Variants in RBM6 observed in about 807,000 individuals in gnomAD.
RBM6 encodes RNA binding motif protein 6, also known as RNA-binding protein 6.
A neutral mutation model predicts 140.4 loss-of-function variants in RBM6; 23 were observed. That is an observed-to-expected ratio of 0.16 (90% CI 0.12 to 0.23). RBM6 has a LOEUF of 0.23. Among genes scored for constraint, RBM6 ranks in the 10% least tolerant of loss-of-function variants. The pLI, the probability that RBM6 is intolerant of heterozygous loss-of-function variation, is 1.00. For synonymous variants in RBM6, 439 were observed against 475.6 expected, an observed-to-expected ratio of 0.92 and a Z score of 1.00; for missense variants, 1,139 against 1,386.7, an observed-to-expected ratio of 0.82 and a Z score of 2.84.
At chr3:49,962,471 A>G in intron 1 of RBM6, 105 bp from the exon 2 acceptor site, 1 of 615,814 alleles carries the variant, frequency 1.6e-6, no homozygotes, top group Non-Finnish European at 2.8e-6. Context: ...AGACCTTCAA[A>G]ATTATTGCTG....
intron 1 of RBM6, among the ~76,000 whole-genome samples, chr3:49,957,077 G>C (rs1214446021): frequency 2.0e-5 from 3 of 152,254 alleles, no homozygotes. Flanking sequence ...TGGATTCCTG[G>C]ACTCAAGCAA....
chr3:50,024,907 C>T (rs1193801404), intron 6 of RBM6, among the ~76,000 whole-genome samples: 7 of 151,616 alleles, frequency 4.6e-5, no homozygotes, highest in Non-Finnish European at 7.4e-5. Context: ...AGGAGAGTGG[C>T]GTGAACTTGG....
chr3:49,968,844 G>C, intron 3 of RBM6, 96 bp downstream of exon 3: 1 of 1,356,922 alleles, frequency 7.4e-7, no homozygotes, highest in African/African-American at 1.6e-5. Flanking sequence ...GCAGTGGTGC[G>C]ATCTCTGCTC....
chr3:50,023,655 ATTTTT>A (rs35083306), intron 6 of RBM6, among the ~76,000 whole-genome samples: 13 of 115,106 alleles, frequency 1.1e-4, no homozygotes, highest in Non-Finnish European at 1.7e-4. Context: ...ATGTTTGGTG[ATTTTT>A]TTTTTTTTTT....
chr3:49,992,763 T>G (rs1465136352), intron 5 of RBM6, among the ~76,000 whole-genome samples: 1 of 152,194 alleles, frequency 6.6e-6, no homozygotes, highest in Admixed American at 6.5e-5. Context: ...AAGATCACAG[T>G]CCCTCATCTG....
intron 1 of RBM6, among the ~76,000 whole-genome samples, chr3:49,947,241 GA>G (rs2083529250): frequency 8.1e-6 from 1 of 123,044 alleles, no homozygotes; most frequent in Non-Finnish European, 1.6e-5. Context: ...GACAGAGCGA[GA>G]CTCCGTCTCA....
intron 6 of RBM6, among the ~76,000 whole-genome samples, chr3:50,022,522 G>A (rs921880354): frequency 6.6e-6 from 1 of 151,964 alleles, no homozygotes; most frequent in African/African-American, 2.4e-5. Context: ...TAGAGACAGG[G>A]TTTCTCCATG....
chr3:50,068,872 G>T lies in RBM6; in HGVS notation c.3018+108G>T. On this transcript the variant is annotated intron_variant, in intron 18 of 20. Coordinates refer to ENST00000266022, the MANE Select transcript of RBM6 (RefSeq NM_005777.3). The stretch of plus-strand genomic sequence containing the variant: ...CCTTATAAGAAGATGGAGAACAAAA[G>T]CAGCCTCAAAAGATAGTGCATACAT... 1.4e-5 allele frequency: 14 copies of T among 986,810 alleles called. No individual in the cohort carries two copies. In the South Asian group the frequency reaches 2.2e-4, roughly 16 times the overall value. 61.1% of individuals were successfully genotyped at this position (986,810 alleles called of 1,614,324 possible). A position where few individuals can be genotyped will look rare whatever the true frequency, so the allele number is the denominator to read the frequency against.
At chr3:49,945,739 G>A (rs1351674912) in intron 1 of RBM6, among the ~76,000 whole-genome samples, 1 of 151,718 alleles carries the variant, frequency 6.6e-6, no homozygotes, top group Admixed American at 6.6e-5. Context: ...AACATTAACC[G>A]GGCGTGGCGG....
intron 13 of RBM6, 60 bp from the exon 14 acceptor site, chr3:50,061,402 T>A: frequency 1.9e-6 from 3 of 1,582,756 alleles, no homozygotes; most frequent in Non-Finnish European, 2.6e-6. Flanking sequence ...TCTTGATGAG[T>A]CTCCAGTAAG....
chr3:49,962,826 G>A (rs537867655), intron 2 of RBM6, 141 bp downstream of exon 2: 228 of 787,216 alleles, frequency 2.9e-4, no homozygotes, highest in Non-Finnish European at 3.8e-4. Flanking sequence ...GGCTGGGCGC[G>A]GTGGCTCACG....
intron 1 of RBM6, among the ~76,000 whole-genome samples, chr3:49,959,795 C>A (rs2084200702): frequency 6.6e-6 from 1 of 151,644 alleles, no homozygotes; most frequent in Admixed American, 6.6e-5. Flanking sequence ...TGGTCTCGAA[C>A]TCCTGACCTC....
chr3:49,940,790 T>C (rs1440414608), intron 1 of RBM6: 6 of 152,328 alleles, frequency 3.9e-5, no homozygotes, highest in Non-Finnish European at 5.9e-5. Flanking sequence ...AAGGATGTTT[T>C]ATCGTATTCA....
chr3:50,074,961 AAC>A (rs1316772524), intron 19 of RBM6, among the ~76,000 whole-genome samples: 3 of 152,030 alleles, frequency 2.0e-5, no homozygotes, highest in Non-Finnish European at 2.9e-5. Context: ...CAGCCTGGCC[AAC>A]ACAGTGAAAC....
At chr3:49,940,510 G>C (rs573908591) in intron 1 of RBM6, 1 of 155,250 alleles carries the variant, frequency 6.4e-6, no homozygotes, top group Admixed American at 6.5e-5. Context: ...GGCTGGGGCC[G>C]GCGCGTGGTT....
intron 5 of RBM6, among the ~76,000 whole-genome samples, chr3:49,987,330 C>G (rs1432150582): frequency 8.5e-5 from 12 of 141,186 alleles, no homozygotes. Flanking sequence ...TTTTTGTTTT[C>G]TTTTTGGAAC....
At chr3:49,970,910 A>G (rs573665377) in intron 3 of RBM6, among the ~76,000 whole-genome samples, 9 of 152,194 alleles carry the variant, frequency 5.9e-5, no homozygotes, top group African/African-American at 1.9e-4. Context: ...TGGGCAGATC[A>G]TTTGAGGTCA....
intron 5 of RBM6, among the ~76,000 whole-genome samples, chr3:49,997,629 C>T (rs1266485582): frequency 6.6e-6 from 1 of 152,156 alleles, no homozygotes; most frequent in African/African-American, 2.4e-5. Context: ...GAGAGTACAC[C>T]TGTTTGTTCC....
At chr3:50,047,528 C>G (rs2089278829) in intron 6 of RBM6, among the ~76,000 whole-genome samples, 1 of 152,160 alleles carries the variant, frequency 6.6e-6, no homozygotes, top group Non-Finnish European at 1.5e-5. Flanking sequence ...CCACCTGTTC[C>G]TGTGCCAGAC....
Sources: gnomAD v4.1 joint callset for allele counts (sites outside exome capture counted in the v4.1 genomes callset) on GRCh38, gnomAD v4.1.1 for gene constraint, MANE v1.5 for transcripts, NCBI Gene and HGNC (gene_info 2026-07-23, HGNC 2026-07-21) for gene names.